PTGER3: variants seen among roughly 807,000 people sequenced by gnomAD.
PTGER3 encodes the protein prostaglandin E receptor 3.
PTGER3 carries 22 observed loss-of-function variants against 34.7 expected under a neutral mutation model. That is an observed-to-expected ratio of 0.63 (90% CI 0.45 to 0.91). The LOEUF (loss-of-function observed/expected upper bound fraction) is 0.91. PTGER3 is among the 40% of genes least tolerant of loss of function. PTGER3 has a pLI of 0.00. For missense variants in PTGER3, 468 were observed against 519.4 expected (o/e 0.90, Z 0.96); for synonymous variants, 241 against 230.1 (o/e 1.05, Z -0.43).
At position 70,971,417 on chromosome 1, in the gene PTGER3, G is replaced by A. The variant is rs1254846750; in HGVS notation, c.*313C>T. ...AAGATTCACGTAAAGGTTTGAAGTT[G>A]GAGAAAACTCCTGGAACACAGGTCT... is the stretch of plus-strand genomic sequence containing the variant. On this transcript the variant is annotated 3_prime_UTR_variant, in exon 4 of 4. Coordinates refer to ENST00000306666, the MANE Select transcript of PTGER3 (RefSeq NM_198719.2). The A allele has an allele frequency of 7.4e-6, 8 of 1,078,712 alleles. No individual in the cohort carries two copies. The African/African-American group carries it at 9.9e-5, about 13-fold the overall frequency. The allele number at this position is 1,078,712 out of a possible 1,614,324, so 66.8% of individuals were successfully genotyped here.
intron 1 of PTGER3, among the ~76,000 whole-genome samples, chr1:71,023,597 T>G (rs1328478900): frequency 6.6e-6 from 1 of 151,900 alleles, no homozygotes; most frequent in Non-Finnish European, 1.5e-5. Context: ...TTACATCAAA[T>G]TCAACATTTT....
exon 5 of PTGER3, chr1:70,852,758 G>C (rs781094999): frequency 9.3e-6 from 14 of 1,498,308 alleles, no homozygotes; most frequent in Non-Finnish European, 1.3e-5. Context: ...TGGGAGGTGG[G>C]TGTTTCTGTG....
chr1:71,001,149 A>AC (rs1656445218), intron 2 of PTGER3, among the ~76,000 whole-genome samples: 2 of 152,258 alleles, frequency 1.3e-5, no homozygotes, highest in Admixed American at 1.3e-4. Context: ...GCACTATTTG[A>AC]CTTTTTAAAG....
intron 1 of PTGER3, among the ~76,000 whole-genome samples, chr1:71,045,546 TACAC>T (rs1304897698): frequency 6.6e-6 from 1 of 152,084 alleles, no homozygotes; most frequent in African/African-American, 2.4e-5. Flanking sequence ...AAACAGCACT[TACAC>T]ACGGACATTT....
chr1:70,885,763 G>C (rs1192882023), intron 4 of PTGER3, among the ~76,000 whole-genome samples: 1 of 152,064 alleles, frequency 6.6e-6, no homozygotes, highest in African/African-American at 2.4e-5. Context: ...AAAGAATAAA[G>C]ATATACAATA....
At chr1:71,040,956 G>GA (rs1306268533) in intron 1 of PTGER3, among the ~76,000 whole-genome samples, 1 of 152,128 alleles carries the variant, frequency 6.6e-6, no homozygotes, top group Non-Finnish European at 1.5e-5. Flanking sequence ...AAGTGGCAAT[G>GA]AAAAATGGAG....
rs752212140 is a variant in PTGER3, at chr1:71,047,416, G to A, written c.162C>T (p.Phe54=). The part of the protein sequence containing the change: ...GEDCGSVSVA[F]PITMLLTGFV... ...AACCAGTGAGCAGCATGGTGATCGG[G>A]AAGGCCACGGACACCGATCCGCAAT... Residue 54 remains phenylalanine (F), a synonymous_variant, in exon 1 of 4, where the codon TTC becomes TTT. Transcript: ENST00000306666. 10 of 1,611,736 alleles carry A rather than the reference G, an allele frequency of 6.2e-6. No homozygotes were observed. In the South Asian group the frequency reaches 9.9e-5, roughly 16 times the overall value.
chr1:71,039,519 G>A lies in PTGER3; in HGVS notation c.897+7162C>T, dbSNP rs1298835125. Among the ~76,000 whole-genome samples, 6 of 151,592 alleles carry A rather than the reference G, an allele frequency of 4.0e-5. No homozygotes were observed. In the East Asian group the frequency reaches 1.2e-3, roughly 30 times the overall value. The stretch of plus-strand genomic sequence containing the variant: ...GAAAAAATTAGCCGGGTGTGGTGGT[G>A]GGCGCCTGTAGTCCCAGCTACTCGG... On this transcript the variant is annotated intron_variant, in intron 1 of 3. Coordinates refer to ENST00000306666, the MANE Select transcript of PTGER3 (RefSeq NM_198719.2).
rs1653459583 is a variant in PTGER3 at position 70,974,326 on chromosome 1, T to G, written c.1140A>C (p.Ser380=). 5.9e-6 allele frequency: 9 copies of G among 1,522,550 alleles called. No homozygotes were observed. Among genetic ancestry groups the G allele is most frequent in the Non-Finnish European group, 8.2e-6 (9 of 1,097,038 alleles). The allele number at this position is 1,522,550 out of a possible 1,614,324, so 94.3% of individuals were successfully genotyped here. ...CCAAATGGTCGCTCCACATCAAGGT[T>G]GAGGAACACTGGCAGGGTAAGGAGG... ...SSTSLPCQCS[S]TLMWSDHLER The change falls in exon 3 of 4, where the codon TCA becomes TCC. Residue 380 remains serine, a synonymous_variant. Transcript: ENST00000306666.
intron 1 of PTGER3, among the ~76,000 whole-genome samples, chr1:71,044,930 A>T (rs1660627532): frequency 6.6e-6 from 1 of 152,204 alleles, no homozygotes; most frequent in Admixed American, 6.5e-5. Flanking sequence ...AGTTATATTA[A>T]TTACCACACT....
rs1169569460 is a variant in PTGER3, at chr1:71,047,816, C to T, written c.-239G>A. ...CTCTGGGAAACCTCTGGTGGCGAGG[C>T]GCGCGGAGGTGCCGAGTCCCCTTTA... is the stretch of plus-strand genomic sequence containing the variant. On this transcript the variant is annotated 5_prime_UTR_variant, in exon 1 of 4. Coordinates refer to ENST00000306666, the MANE Select transcript of PTGER3 (RefSeq NM_198719.2). 5.5e-5 allele frequency: 20 copies of T among 365,280 alleles called. No individual in the cohort carries two copies. The highest frequency in any genetic ancestry group is 7.0e-5 in the Non-Finnish European group (15 of 213,398). The allele number at this position is 365,280 out of a possible 1,614,324, so 22.6% of individuals were successfully genotyped here.
At chr1:71,007,460 A>C (rs1013797725) in intron 2 of PTGER3, 13 of 985,260 alleles carry the variant, frequency 1.3e-5, no homozygotes, top group Non-Finnish European at 1.6e-5. Flanking sequence ...ACCCCTGGCC[A>C]CTCAGTAGTA....
intron 4 of PTGER3, among the ~76,000 whole-genome samples, chr1:70,900,514 A>G (rs988365940): frequency 6.6e-6 from 1 of 151,304 alleles, no homozygotes; most frequent in African/African-American, 2.4e-5. Context: ...TGGCAATTTT[A>G]TATCATAGTT....
intron 1 of PTGER3, among the ~76,000 whole-genome samples, chr1:71,021,894 C>T (rs895920193): frequency 3.3e-5 from 5 of 151,752 alleles, no homozygotes; most frequent in African/African-American, 1.2e-4. Flanking sequence ...TATTCTAATG[C>T]TGACATTTAA....
chr1:70,982,576 T>G (rs1020885113), intron 2 of PTGER3, among the ~76,000 whole-genome samples: 10 of 152,160 alleles, frequency 6.6e-5, no homozygotes, highest in Non-Finnish European at 1.5e-5. Context: ...GTAAAATTGC[T>G]TCTTATTTTT....
intron 2 of PTGER3, among the ~76,000 whole-genome samples, chr1:70,956,327 C>A (rs910164725): frequency 6.6e-6 from 1 of 151,878 alleles, no homozygotes; most frequent in Non-Finnish European, 1.5e-5. Context: ...TGGGAAAACA[C>A]AGCAAGAAGT....
chr1:70,973,256 T>C (rs1653326961), intron 3 of PTGER3, among the ~76,000 whole-genome samples: 1 of 145,856 alleles, frequency 6.9e-6, no homozygotes, highest in South Asian at 2.1e-4. Flanking sequence ...GATAGATAGA[T>C]AGATAGATAG....
intron 2 of PTGER3, among the ~76,000 whole-genome samples, chr1:70,978,594 C>T (rs1275938904): frequency 6.6e-6 from 1 of 152,020 alleles, no homozygotes; most frequent in Non-Finnish European, 1.5e-5. Flanking sequence ...CTTATTGATT[C>T]CTGCCTTGCA....
chr1:70,882,997 T>C (rs1437449233), intron 4 of PTGER3, among the ~76,000 whole-genome samples: 3 of 152,176 alleles, frequency 2.0e-5, no homozygotes, highest in Non-Finnish European at 4.4e-5. Context: ...CTCTTTTTCT[T>C]TGAGCTGACA....
Sources: allele counts gnomAD v4.1 joint callset (sites outside exome capture counted in the v4.1 genomes callset), GRCh38; gene constraint gnomAD v4.1.1; transcripts MANE v1.5; gene names NCBI Gene and HGNC (gene_info 2026-07-23, HGNC 2026-07-21).